Variants in CELF2 observed in about 807,000 individuals in gnomAD.
The protein encoded by CELF2 is CUG triplet repeat RNA-binding protein 2.
In CELF2, 8 loss-of-function variants were observed where a neutral mutation model predicts 62.6. The observed-to-expected ratio is 0.13, with a 90% CI of 0.07 to 0.23. CELF2 has a LOEUF of 0.23. CELF2 is among the 10% of genes least tolerant of loss of function. The pLI is 1.00. For synonymous variants in CELF2, 258 were observed against 250.0 expected (o/e 1.03, Z -0.30); for missense variants, 333 against 671.0 (o/e 0.50, Z 5.56).
intron 1 of CELF2, among the ~76,000 whole-genome samples, chr10:10,803,819 A>G (rs1476580414): frequency 6.6e-6 from 1 of 152,162 alleles, no homozygotes; most frequent in Non-Finnish European, 1.5e-5. Flanking sequence ...GCACACGACA[A>G]TGAATGAATG....
chr10:10,565,116 T>C, the CELF2 span, among the ~76,000 whole-genome samples: 2 of 152,208 alleles, frequency 1.3e-5, no homozygotes, highest in Non-Finnish European at 2.9e-5. Flanking sequence ...ATAAAGGGGC[T>C]TATTTTCTCA....
chr10:10,895,581 C>G (rs2062489712), intron 1 of CELF2, among the ~76,000 whole-genome samples: 1 of 152,066 alleles, frequency 6.6e-6, no homozygotes, highest in African/African-American at 2.4e-5. Flanking sequence ...TGTGGCTGGA[C>G]AAACCTTTTC....
intron 2 of CELF2, among the ~76,000 whole-genome samples, chr10:11,205,834 A>G (rs548118727): frequency 6.6e-6 from 1 of 152,222 alleles, no homozygotes; most frequent in African/African-American, 2.4e-5. Flanking sequence ...GGGTGAAGAC[A>G]GTTATAACGG....
the CELF2 span, among the ~76,000 whole-genome samples, chr10:10,498,012 G>A: frequency 1.7e-4 from 26 of 152,314 alleles, no homozygotes; most frequent in South Asian, 6.2e-4. Context: ...CCAGACAGTC[G>A]TGATAAGAGG....
At chr10:10,501,732 A>G in the CELF2 span, among the ~76,000 whole-genome samples, 1 of 152,134 alleles carries the variant, frequency 6.6e-6, no homozygotes. Context: ...CAAATAGAAC[A>G]CTTTTCTTTC....
In CELF2 at chr10:11,075,618, G is replaced by T. The variant is rs2071627375; in HGVS notation, c.74+57455G>T. Among the ~76,000 whole-genome samples, 1 of 152,146 alleles carries T rather than the reference G, an allele frequency of 6.6e-6. No homozygotes were observed. Among genetic ancestry groups the T allele is most frequent in the Non-Finnish European group, 1.5e-5 (1 of 68,038 alleles). On this transcript the variant is annotated intron_variant, in intron 1 of 12. Transcript: ENST00000633077. The surrounding 1 kb of genome is among the most constrained non-coding windows in gnomAD (Gnocchi z 5.4). ...ACATACGTATGGACTTAAATGTCCA[G>T]GGTCTACAGTGAATGTTGGTTTAGC...
rs1204817162 is a variant in CELF2, at chr10:11,318,765, C to A, written c.1097-2424C>A. 1 of 468,754 alleles carries A rather than the reference C, an allele frequency of 2.1e-6. No individual in the cohort carries two copies. The highest frequency in any genetic ancestry group is 4.4e-6 in the Non-Finnish European group (1 of 226,162). The allele number at this position is 468,754 out of a possible 1,614,324, so 29.0% of individuals were successfully genotyped here. On this transcript the variant is annotated intron_variant, in intron 10 of 12. Coordinates refer to ENST00000633077, the MANE Select transcript of CELF2 (RefSeq NM_001326342.2). This position sits in a 1 kb window ranked among gnomAD's most constrained non-coding sequence, Gnocchi z 5.4. ...TTTTCTGACCTGGAAATTAAAAAAACAGCTGTGTACAGAGAAGGGAGTTGG... is the reference window on the plus strand; with the variant it reads ...TTTTCTGACCTGGAAATTAAAAAAAAAGCTGTGTACAGAGAAGGGAGTTGG...
intron 3 of CELF2, among the ~76,000 whole-genome samples, chr10:11,231,658 T>A (rs2068702730): frequency 7.3e-6 from 1 of 136,502 alleles, no homozygotes; most frequent in African/African-American, 2.6e-5. Flanking sequence ...AAAAAAAAAA[T>A]CCTGTTTACT....
chr10:11,225,446 G>T lies in CELF2; in HGVS notation c.354+7939G>T, dbSNP rs189684617. ...CTTTGCTGTCCATGCATTGTCTGTG[G>T]TCATGTCCTATTTAACGAAAATCTC... is the stretch of plus-strand genomic sequence containing the variant. On this transcript the variant is annotated intron_variant, in intron 3 of 12. Coordinates refer to ENST00000633077, the MANE Select transcript of CELF2 (RefSeq NM_001326342.2). Among the ~76,000 whole-genome samples, 226 of 152,274 alleles carry T rather than the reference G, an allele frequency of 1.5e-3. 1 individual carries two copies. The highest frequency in any genetic ancestry group is 5.6e-3 in the Admixed American group (85 of 15,304).
Position 11,240,450 on chromosome 10 carries a change from G to A in CELF2, c.355-8703G>A, listed in dbSNP as rs182513924. On this transcript the variant is annotated intron_variant, in intron 3 of 12. Transcript: ENST00000633077. ...TCCTCTCACACTTCTCAGCGTCTAT[G>A]TAGAACATTTCAGACAGCTGGCCCT... Among the ~76,000 whole-genome samples the A allele has an allele frequency of 1.6e-4, 25 of 152,352 alleles. No homozygotes were observed. The East Asian group carries it at 1.9e-3, about 12-fold the overall frequency.
intron 1 of CELF2, among the ~76,000 whole-genome samples, chr10:11,099,511 C>T (rs1379861540): frequency 1.3e-5 from 2 of 151,584 alleles, no homozygotes; most frequent in South Asian, 2.1e-4. Flanking sequence ...TAAACAGATA[C>T]ATTTTAGAGA....
chr10:11,218,888 T>C (rs2064035669), intron 3 of CELF2, among the ~76,000 whole-genome samples: 1 of 152,188 alleles, frequency 6.6e-6, no homozygotes, highest in Non-Finnish European at 1.5e-5. Context: ...TTGGGTCACA[T>C]TGTGGAATGA....
intron 2 of CELF2, among the ~76,000 whole-genome samples, chr10:11,000,236 C>A (rs1294705729): frequency 6.6e-6 from 1 of 151,954 alleles, no homozygotes. Flanking sequence ...TTCCTTTCTT[C>A]TTCTTGTCTT....
the CELF2 span, among the ~76,000 whole-genome samples, chr10:10,553,786 C>T: frequency 5.5e-4 from 83 of 152,190 alleles, no homozygotes; most frequent in African/African-American, 9.9e-4. Flanking sequence ...CAGACAAGTT[C>T]AAGGAGGTCA....
intron 1 of CELF2, among the ~76,000 whole-genome samples, chr10:11,091,165 C>T (rs1302038770): frequency 6.6e-6 from 1 of 152,172 alleles, no homozygotes; most frequent in East Asian, 1.9e-4. Context: ...TAATCAGCTT[C>T]CTAACATAAC....
chr10:10,620,585 G>A, the CELF2 span, among the ~76,000 whole-genome samples: 546 of 152,016 alleles, frequency 3.6e-3, 2 homozygotes, highest in African/African-American at 0.013. Flanking sequence ...ATGGCCGGTA[G>A]ACAATCCCCT....
At chr10:10,944,800 G>A (rs560349504) in intron 2 of CELF2, among the ~76,000 whole-genome samples, 11 of 152,036 alleles carry the variant, frequency 7.2e-5, no homozygotes, top group South Asian at 2.1e-4. Context: ...ATGGGGTTTC[G>A]CCACATTGGC....
At chr10:11,176,629 A>G (rs1222361402) in intron 2 of CELF2, among the ~76,000 whole-genome samples, 3 of 152,206 alleles carry the variant, frequency 2.0e-5, no homozygotes, top group Non-Finnish European at 2.9e-5. Flanking sequence ...CGCCTGGCAT[A>G]TGGTGGAAAC....
chr10:10,481,851 A>C, the CELF2 span, among the ~76,000 whole-genome samples: 66 of 152,326 alleles, frequency 4.3e-4, no homozygotes, highest in African/African-American at 1.6e-3. Context: ...ATAATTATTC[A>C]CTGGCAGAAA....
Sources: allele counts gnomAD v4.1 joint callset (sites outside exome capture counted in the v4.1 genomes callset), GRCh38; gene constraint gnomAD v4.1.1; non-coding constraint Gnocchi (gnomAD v3.1); transcripts MANE v1.5; gene names NCBI Gene and HGNC (gene_info 2026-07-23, HGNC 2026-07-21).